APPBP2: variants seen among roughly 807,000 people sequenced by gnomAD.
APPBP2 encodes the protein amyloid protein-binding protein 2.
In APPBP2, 15 loss-of-function variants were observed where a neutral mutation model predicts 76.0. The ratio of observed to expected loss-of-function variants is 0.20; its 90% confidence interval spans 0.13 to 0.30. The LOEUF (loss-of-function observed/expected upper bound fraction) is 0.30. Among genes scored for constraint, APPBP2 ranks in the 10% least tolerant of loss-of-function variants. The probability of loss-of-function intolerance (pLI) is 1.00; values close to 1 mark genes in which losing one functional copy is unlikely to be tolerated. For synonymous variants in APPBP2, 222 were observed against 242.2 expected, an observed-to-expected ratio of 0.92 and a Z score of 0.77; for missense variants, 401 against 687.2, an observed-to-expected ratio of 0.58 and a Z score of 4.66.
At chr17:60,459,549 G>C (rs575631018) in intron 9 of APPBP2, 1 of 146,756 alleles carries the variant, frequency 6.8e-6, no homozygotes, top group Admixed American at 6.9e-5. Flanking sequence ...CTGGAGAGCA[G>C]TGGCGTGATC....
chr17:60,463,048 C>T (rs894283322), intron 6 of APPBP2, among the ~76,000 whole-genome samples: 16 of 151,060 alleles, frequency 1.1e-4, no homozygotes, highest in Admixed American at 6.6e-4. Context: ...TAATTAAAAA[C>T]GTAAGAATAT....
At chr17:60,488,650 G>A (rs1170794137) in intron 3 of APPBP2, among the ~76,000 whole-genome samples, 1 of 152,102 alleles carries the variant, frequency 6.6e-6, no homozygotes, top group Non-Finnish European at 1.5e-5. Flanking sequence ...ACTGATAACT[G>A]TGAGTTTGCC....
At chr17:60,517,297 A>C (rs757579100) in intron 1 of APPBP2, among the ~76,000 whole-genome samples, 2 of 152,090 alleles carry the variant, frequency 1.3e-5, no homozygotes, top group Non-Finnish European at 2.9e-5. Flanking sequence ...ATTAATGTAC[A>C]GTTCTTTCTT....
chr17:60,521,454 CG>C (rs2143508687), intron 1 of APPBP2, among the ~76,000 whole-genome samples: 1 of 152,342 alleles, frequency 6.6e-6, no homozygotes, highest in African/African-American at 2.4e-5. Context: ...GCTCCATTCA[CG>C]GTAAGTGCCC....
intron 12 of APPBP2, 95 bp from the exon 13 acceptor site, chr17:60,447,929 AGGGT>A (rs2090362802): frequency 1.7e-6 from 2 of 1,183,272 alleles, no homozygotes; most frequent in Non-Finnish European, 1.2e-6. Flanking sequence ...TTCTTTAAAC[AGGGT>A]GGCTTAGGTT....
At position 60,451,951 on chromosome 17, in the gene APPBP2, G is replaced by T. The variant is rs1460526790; in HGVS notation, c.1433C>A (p.Ala478Asp). ...YEVALSVGHL[A>D]SLYNYDMNQY... ...ATTCATGTCATAATTATATAAAGAA[G>T]CCAGATGTCCCACTGAAAGGGCTAC... The change falls in exon 12 of 13, where the codon GCT (alanine) becomes GAT (aspartate). Residue 478 changes from alanine to aspartate, a missense_variant. Ala to Asp is a moderately radical substitution (Grantham distance 126). Transcript: ENST00000083182. The T allele has an allele frequency of 6.2e-7, 1 of 1,613,628 alleles. No individual in the cohort carries two copies. The highest frequency in any genetic ancestry group is 8.5e-7 in the Non-Finnish European group (1 of 1,179,722).
rs1406924077 is a variant in APPBP2 at position 60,505,687 on chromosome 17, T to TG, written c.139-5201_139-5200insC. 9.2e-3 allele frequency among the ~76,000 whole-genome samples: 1,280 copies of TG among 138,656 alleles called. 30 individuals are homozygous for TG. The highest frequency in any genetic ancestry group is 0.034 in the African/African-American group (1,159 of 33,988). 91.0% of individuals were successfully genotyped at this position (138,656 alleles called of 152,430 possible). A position where few individuals can be genotyped will look rare whatever the true frequency, so the allele number is the denominator to read the frequency against. The stretch of plus-strand genomic sequence containing the variant: ...ACCTGACCCCTGCGGTTTTTTTTTT[T>TG]TTTTTTTTTTTTTTTTGAGATGGAG... On this transcript the variant is annotated intron_variant, in intron 1 of 12. Coordinates refer to ENST00000083182, the MANE Select transcript of APPBP2 (RefSeq NM_006380.5).
At chr17:60,461,023 T>G in intron 8 of APPBP2, 2 of 228,726 alleles carry the variant, frequency 8.7e-6, no homozygotes, top group African/African-American at 2.3e-5. Context: ...ATAATAATCA[T>G]TCCTATGTCT....
At chr17:60,447,975 G>GT (rs2090363249) in intron 12 of APPBP2, 141 bp from the exon 13 acceptor site, 2 of 780,668 alleles carry the variant, frequency 2.6e-6, no homozygotes, top group African/African-American at 1.8e-5. Context: ...TATAATTCTT[G>GT]TATCAGCATC....
intron 1 of APPBP2, among the ~76,000 whole-genome samples, chr17:60,518,049 A>G (rs1014422274): frequency 6.2e-5 from 9 of 145,062 alleles, no homozygotes; most frequent in Non-Finnish European, 8.9e-5. Context: ...GTGTTTTTTT[A>G]AAGTGTTCTT....
rs761786028 is a variant in APPBP2 at position 60,464,108 on chromosome 17, T to C, written c.675A>G (p.Ala225=). The change falls in exon 6 of 13, where the codon GCA becomes GCG. Residue 225 remains alanine (A), a splice_region_variant and synonymous_variant. Coordinates refer to ENST00000083182, the MANE Select transcript of APPBP2 (RefSeq NM_006380.5). ...TCATTGCCTCGATGCACCATTTGTA[T>C]GCCTAAAAAAATTATTTATAGAAGA... is the stretch of plus-strand genomic sequence containing the variant. ...LLFAKSHYDE[A]YKWCIEAMKE... 3.2e-5 allele frequency: 51 copies of C among 1,605,786 alleles called. No homozygotes were observed. The highest frequency in any genetic ancestry group is 8.6e-5 in the Admixed American group (5 of 57,874).
chr17:60,495,195 C>T (rs1178413356), intron 2 of APPBP2, among the ~76,000 whole-genome samples: 2 of 151,394 alleles, frequency 1.3e-5, no homozygotes, highest in South Asian at 4.2e-4. Flanking sequence ...ACCATGTTAG[C>T]CGGGATGCTC....
At chr17:60,512,232 A>G (rs2090919875) in intron 1 of APPBP2, among the ~76,000 whole-genome samples, 1 of 151,886 alleles carries the variant, frequency 6.6e-6, no homozygotes, top group African/African-American at 2.4e-5. Flanking sequence ...CCTCCCGAGT[A>G]GCTGGGACTA....
intron 1 of APPBP2, among the ~76,000 whole-genome samples, chr17:60,520,767 G>A (rs763380651): frequency 6.6e-6 from 1 of 151,876 alleles, no homozygotes; most frequent in Non-Finnish European, 1.5e-5. Context: ...TCACTACATT[G>A]CCCCAGCCAG....
intron 4 of APPBP2, among the ~76,000 whole-genome samples, chr17:60,469,731 T>C (rs547674467): frequency 3.9e-4 from 60 of 152,326 alleles, no homozygotes; most frequent in African/African-American, 4.6e-4. Context: ...GGCTGAATCA[T>C]TGTATGTGTA....
intron 6 of APPBP2, 107 bp downstream of exon 6, chr17:60,463,914 C>T (rs1159630060): frequency 4.2e-6 from 3 of 716,820 alleles, no homozygotes; most frequent in Non-Finnish European, 6.7e-6. Context: ...AGACCTATGC[C>T]TACGGAGTGT....
chr17:60,501,918 C>G (rs2090826470), intron 1 of APPBP2, among the ~76,000 whole-genome samples: 1 of 152,134 alleles, frequency 6.6e-6, no homozygotes, highest in Non-Finnish European at 1.5e-5. Context: ...TTCAAAAAAT[C>G]TGTAACTCCT....
chr17:60,454,558 A>C, intron 10 of APPBP2, 66 bp from the exon 11 acceptor site: 2 of 1,028,380 alleles, frequency 1.9e-6, no homozygotes, highest in Non-Finnish European at 2.8e-6. Flanking sequence ...AGAACATCTA[A>C]TTTAAACTTA....
In APPBP2 at chr17:60,463,870, G is replaced by C. The variant is rs1384390568; in HGVS notation, c.762+151C>G. 4 of 521,038 alleles carry C rather than the reference G, an allele frequency of 7.7e-6. 1 individual carries two copies. The East Asian group carries it at 1.4e-4, about 18-fold the overall frequency. The allele number at this position is 521,038 out of a possible 1,614,324, so 32.3% of individuals were successfully genotyped here. On this transcript the variant is annotated intron_variant, in intron 6 of 12. Transcript: ENST00000083182. ...GTGATATAGTTTTAGTTAGAAACCA[G>C]ATTTCTAAAAATGAGCACAGAAACT... is the stretch of plus-strand genomic sequence containing the variant.
Sources: gnomAD v4.1 joint callset for allele counts (sites outside exome capture counted in the v4.1 genomes callset) on GRCh38, gnomAD v4.1.1 for gene constraint, MANE v1.5 for transcripts, NCBI Gene and HGNC (gene_info 2026-07-23, HGNC 2026-07-21) for gene names.